Variants in SLFN12 observed in about 807,000 individuals in gnomAD.
SLFN12 encodes schlafen family member 12.
Under a neutral mutation model 29.1 loss-of-function variants are expected in SLFN12, and 25 were observed. That is an observed-to-expected ratio of 0.86 (90% CI 0.63 to 1.20). SLFN12 has a LOEUF of 1.20. Among genes scored for constraint, SLFN12 ranks in the 50% most tolerant of loss-of-function variants. The pLI is 0.00. For missense variants in SLFN12, 660 were observed against 666.2 expected, an observed-to-expected ratio of 0.99 and a Z score of 0.10; for synonymous variants, 257 against 238.7, an observed-to-expected ratio of 1.08 and a Z score of -0.71.
In SLFN12 at chr17:35,411,170, T is replaced by G; in HGVS notation, c.*168A>C. 3.7e-6 allele frequency: 2 copies of G among 541,140 alleles called. No individual in the cohort carries two copies. The highest frequency in any genetic ancestry group is 6.4e-6 in the Non-Finnish European group (2 of 311,936). The allele number at this position is 541,140 out of a possible 1,614,324, so 33.5% of individuals were successfully genotyped here. On this transcript the variant is annotated 3_prime_UTR_variant, in exon 4 of 4. Coordinates refer to ENST00000304905, the MANE Select transcript of SLFN12 (RefSeq NM_018042.5). ...AATTTTCCTAATATCCCTCAAACAA[T>G]ATCTGTGAAGATTATTTAGGGAGAA...
At chr17:35,415,519 G>T (rs565535081) in intron 3 of SLFN12, among the ~76,000 whole-genome samples, 1 of 152,104 alleles carries the variant, frequency 6.6e-6, no homozygotes, top group African/African-American at 2.4e-5. Flanking sequence ...TAGATGAGAA[G>T]TAACTAAACT....
rs750595237 is a variant in SLFN12 at position 35,411,364 on chromosome 17, A to G, written c.1711T>C (p.Phe571Leu). The change falls in exon 4 of 4, where the codon TTT (phenylalanine) becomes CTT (leucine). Residue 571 changes from phenylalanine to leucine, a missense_variant. Transcript: ENST00000304905. ...CAGGTGAGCCTTCGACAAGATTTAA[A>G]CATCTTTTTATCATTCTTCTGAAAG... is the stretch of plus-strand genomic sequence containing the variant. ...DCFQKNDKKM[F>L]KSCRRLT 1 of 1,563,320 alleles carries G rather than the reference A, an allele frequency of 6.4e-7. No homozygotes were observed. The highest frequency in any genetic ancestry group is 8.6e-7 in the Non-Finnish European group (1 of 1,157,260).
chr17:35,429,043 G>A (rs1912165128), intron 1 of SLFN12, among the ~76,000 whole-genome samples: 1 of 152,076 alleles, frequency 6.6e-6, no homozygotes, highest in South Asian at 2.1e-4. Context: ...TCACCAAGCA[G>A]CCTCTGCTCT....
chr17:35,420,154 G>T lies in SLFN12; in HGVS notation c.1147+120C>A, dbSNP rs557682614. 7.6e-6 allele frequency: 5 copies of T among 658,962 alleles called. No homozygotes were observed. In the South Asian group the frequency reaches 1.1e-4, roughly 14 times the overall value. The allele number at this position is 658,962 out of a possible 1,614,324, so 40.8% of individuals were successfully genotyped here. Reference sequence around the variant, plus strand: ...AGATTCAATGACTTAAAACACCAAAGAATTCTCATAAACACAAGAATGTGC... The same window carrying T: ...AGATTCAATGACTTAAAACACCAAATAATTCTCATAAACACAAGAATGTGC... On this transcript the variant is annotated intron_variant, in intron 3 of 3. Coordinates refer to ENST00000304905, the MANE Select transcript of SLFN12 (RefSeq NM_018042.5).
At chr17:35,428,640 A>G (rs1912142054) in intron 1 of SLFN12, among the ~76,000 whole-genome samples, 1 of 152,104 alleles carries the variant, frequency 6.6e-6, no homozygotes, top group Non-Finnish European at 1.5e-5. Flanking sequence ...GCATTTGCAT[A>G]TGACCCAGGG....
rs926666844 is a variant in SLFN12, at chr17:35,422,272, C to G, written c.757G>C (p.Glu253Gln). 1.9e-6 allele frequency: 3 copies of G among 1,614,050 alleles called. No individual in the cohort carries two copies. Among genetic ancestry groups the G allele is most frequent in the East Asian group, 4.5e-5 (2 of 44,892 alleles). Residue 253 changes from glutamate to glutamine, a missense_variant, in exon 2 of 4, where the codon GAG (glutamate) becomes CAG (glutamine). Physicochemically the swap from Glu to Gln is conservative, Grantham distance 29. Transcript: ENST00000304905. ...TCTAAGTCATCGAGGTCACTCATCT[C>G]TGCTTTAAAGCCAATTATTTCTTTA... ...EDKEIIGFKA[E>Q]MSDLDDLERE...
At chr17:35,426,327 C>T (rs1597785201) in intron 1 of SLFN12, among the ~76,000 whole-genome samples, 1 of 152,132 alleles carries the variant, frequency 6.6e-6, no homozygotes, top group Non-Finnish European at 1.5e-5. Flanking sequence ...CATTTGCTTT[C>T]ATTGCCTGTC....
chr17:35,418,583 T>C (rs1453033814), intron 3 of SLFN12, among the ~76,000 whole-genome samples: 1 of 152,104 alleles, frequency 6.6e-6, no homozygotes, highest in Admixed American at 6.5e-5. Flanking sequence ...ACACAAAATA[T>C]GTGTTAATTG....
At chr17:35,419,196 CTAGTGTATAGAAGGAT>C (rs1381748932) in intron 3 of SLFN12, among the ~76,000 whole-genome samples, 22 of 152,062 alleles carry the variant, frequency 1.4e-4, no homozygotes, top group African/African-American at 4.8e-4. Flanking sequence ...CTTTATAATC[CTAGTGTATAGAAGGAT>C]CTCTTATGCA....
chr17:35,418,547 T>G (rs1911444451), intron 3 of SLFN12, among the ~76,000 whole-genome samples: 1 of 151,524 alleles, frequency 6.6e-6, no homozygotes, highest in South Asian at 2.1e-4. Flanking sequence ...ATATGATACT[T>G]ATTGTAAGAA....
At chr17:35,413,930 C>G (rs764964986) in intron 3 of SLFN12, among the ~76,000 whole-genome samples, 5 of 151,850 alleles carry the variant, frequency 3.3e-5, no homozygotes, top group Admixed American at 6.6e-5. Flanking sequence ...CAAAATTCAA[C>G]ATTCTGTAAT....
chr17:35,432,704 G>T (rs1376708253), upstream of SLFN12, among the ~76,000 whole-genome samples: 1 of 152,152 alleles, frequency 6.6e-6, no homozygotes, highest in Non-Finnish European at 1.5e-5. Context: ...AAGGAAGTTT[G>T]TGGAAAGTTG....
In SLFN12 at chr17:35,411,705, G is replaced by A. The variant is rs761496997; in HGVS notation, c.1370C>T (p.Thr457Ile). The change falls in exon 4 of 4, where the codon ACC (threonine) becomes ATC (isoleucine). Residue 457 changes from threonine (T) to isoleucine (I), a missense_variant. Coordinates refer to ENST00000304905, the MANE Select transcript of SLFN12 (RefSeq NM_018042.5). ...CTCCTCATCCTGTACCATGTGGAAG[G>A]TGTATAGGACTGGAGGACTGTCCTG... ...ISQDSPPVLY[T>I]FHMVQDEEFK... 27 of 1,613,878 alleles carry A rather than the reference G, an allele frequency of 1.7e-5. No homozygotes were observed. Among genetic ancestry groups the A allele is most frequent in the Admixed American group, 3.3e-5 (2 of 59,996 alleles).
intron 3 of SLFN12, among the ~76,000 whole-genome samples, chr17:35,413,774 AG>A (rs921067503): frequency 4.6e-5 from 7 of 151,776 alleles, no homozygotes; most frequent in African/African-American, 7.3e-5. Flanking sequence ...AGAAAAAAAA[AG>A]ATCATTCATC....
At chr17:35,428,388 C>A (rs1435690208) in intron 1 of SLFN12, among the ~76,000 whole-genome samples, 1 of 151,920 alleles carries the variant, frequency 6.6e-6, no homozygotes, top group Non-Finnish European at 1.5e-5. Context: ...TGGCCTGTAC[C>A]TTTTGCGGGG....
chr17:35,427,198 G>T (rs373185806), intron 1 of SLFN12, among the ~76,000 whole-genome samples: 23 of 152,286 alleles, frequency 1.5e-4, no homozygotes, highest in African/African-American at 5.1e-4. Flanking sequence ...TTGGGCAAGG[G>T]TGAGTAAAAA....
At chr17:35,418,381 T>C (rs1332922030) in intron 3 of SLFN12, among the ~76,000 whole-genome samples, 1 of 152,128 alleles carries the variant, frequency 6.6e-6, no homozygotes, top group East Asian at 1.9e-4. Flanking sequence ...AGACCAACCC[T>C]TCTCTTCCTC....
Position 35,414,652 on chromosome 17 carries a change from TA to T in SLFN12, c.1148-2726del, listed in dbSNP as rs200742763. Among the ~76,000 whole-genome samples the T allele has an allele frequency of 9.7e-3, 1,482 of 152,206 alleles. 21 individuals carry two copies. The highest frequency in any genetic ancestry group is 0.034 in the African/African-American group (1,413 of 41,548). On this transcript the variant is annotated intron_variant, in intron 3 of 3. Transcript: ENST00000304905. ...TCATCCAAAAAGCTTCTAGATTTGA[TA>T]AATGAATTCCATTAAGTTTCAGGAT...
intron 3 of SLFN12, among the ~76,000 whole-genome samples, chr17:35,413,053 C>A (rs1911116173): frequency 6.9e-6 from 1 of 144,326 alleles, no homozygotes; most frequent in South Asian, 2.2e-4. Flanking sequence ...AGCAAAAGTC[C>A]GAACTCAAAC....
Sources: allele counts gnomAD v4.1 joint callset (sites outside exome capture counted in the v4.1 genomes callset), GRCh38; gene constraint gnomAD v4.1.1; transcripts MANE v1.5; gene names NCBI Gene and HGNC (gene_info 2026-07-23, HGNC 2026-07-21).